The following CHIT1 variants were observed in gnomAD, a reference collection of about 807,000 sequenced individuals.
CHIT1 encodes the protein chitotriosidase-1.
CHIT1 carries 47 observed loss-of-function variants against 52.0 expected under a neutral mutation model. That is an observed-to-expected ratio of 0.90 (90% confidence interval 0.71 to 1.15). The LOEUF (loss-of-function observed/expected upper bound fraction) is 1.15, where lower values mean the gene tolerates loss of function less well. Ranked by LOEUF, CHIT1 falls within the 50% of genes most tolerant of loss-of-function variation. The pLI, the probability that CHIT1 is intolerant of heterozygous loss-of-function variation, is 0.00. For synonymous variants in CHIT1, 242 were observed against 228.2 expected (o/e 1.06, Z -0.54); for missense variants, 569 against 583.0 (o/e 0.98, Z 0.25).
At chr1:203,223,714 C>T in intron 4 of CHIT1, 54 bp from the exon 5 acceptor site, 1 of 1,580,980 alleles carries the variant, frequency 6.3e-7, no homozygotes, top group Non-Finnish European at 8.7e-7. Context: ...CAGGAGGCCA[C>T]TCTTACTCAG....
intron 2 of CHIT1, among the ~76,000 whole-genome samples, chr1:203,228,061 C>A (rs1268143306): frequency 6.6e-6 from 1 of 152,210 alleles, no homozygotes; most frequent in Non-Finnish European, 1.5e-5. Context: ...CACATCTGAT[C>A]AGTTCAACAG....
chr1:203,217,298 A>G, intron 10 of CHIT1, 165 bp from the exon 11 acceptor site: 1 of 1,543,056 alleles, frequency 6.5e-7, no homozygotes, highest in Non-Finnish European at 8.7e-7. Flanking sequence ...GACAACAGCC[A>G]TACCTACAGC....
At chr1:203,223,062 G>T (rs1656794577) in intron 6 of CHIT1, 73 bp downstream of exon 6, 3 of 1,596,958 alleles carry the variant, frequency 1.9e-6, no homozygotes, top group Admixed American at 3.3e-5. Context: ...CTCTACCCAT[G>T]GGAAAGCTCA....
At chr1:203,225,186 C>A in intron 3 of CHIT1, 82 bp from the exon 4 acceptor site, 1 of 1,309,358 alleles carries the variant, frequency 7.6e-7, no homozygotes, top group African/African-American at 1.4e-5. Flanking sequence ...TGGGGAGGAA[C>A]AACAGGGGTG....
chr1:203,216,682 C>G lies in CHIT1; in HGVS notation c.*207G>C, dbSNP rs1281075735. On this transcript the variant is annotated 3_prime_UTR_variant, in exon 11 of 11. Transcript: ENST00000367229. ...ACATCTTTGGGAAGAGGGGCACAAA[C>G]CAAAGATTTATTTTGCAAGTGAAAG... 2 of 695,998 alleles carry G rather than the reference C, an allele frequency of 2.9e-6. No individual in the cohort carries two copies. Among genetic ancestry groups the G allele is most frequent in the East Asian group, 2.9e-5 (1 of 34,532 alleles). 43.1% of individuals were successfully genotyped at this position (695,998 alleles called of 1,614,324 possible).
At chr1:203,226,313 G>A (rs940252048) in intron 2 of CHIT1, among the ~76,000 whole-genome samples, 1 of 152,122 alleles carries the variant, frequency 6.6e-6, no homozygotes, top group East Asian at 1.9e-4. Context: ...CCCCAGTTAG[G>A]GTCTCCCCTC....
At chr1:203,229,799 C>T (rs980371539), upstream of CHIT1, 13 of 800,198 alleles carry the variant, frequency 1.6e-5, no homozygotes, top group African/African-American at 2.2e-4. Flanking sequence ...TGTCAAGCAG[C>T]ATGAATTGGG....
At chr1:203,217,921 C>T in intron 9 of CHIT1, 56 bp from the exon 10 acceptor site, 1 of 1,571,460 alleles carries the variant, frequency 6.4e-7, no homozygotes, top group South Asian at 1.2e-5. Context: ...CCGGCCACCC[C>T]AGAGCCTGGC....
At chr1:203,224,813 C>T (rs1295860371) in intron 4 of CHIT1, among the ~76,000 whole-genome samples, 1 of 152,154 alleles carries the variant, frequency 6.6e-6, no homozygotes, top group Non-Finnish European at 1.5e-5. Flanking sequence ...GTGTTTAGAC[C>T]TATGCTTCTG....
In CHIT1 at chr1:203,219,302, G is replaced by A; in HGVS notation, c.943C>T (p.Gln315Ter). Residue 315 changes from glutamine (Q) to a stop codon, truncating the protein, a stop_gained, in exon 9 of 11, where the codon CAG becomes TAG. Coordinates refer to ENST00000367229, the MANE Select transcript of CHIT1 (RefSeq NM_003465.3). LOFTEE classifies it high-confidence loss of function. ...GGCACCTTCTGATCCTGGATTCTCT[G>A]TTTGGTGGCCCCCTTCCAGGAGCAG... Reference protein sequence around the residue: ...EVCSWKGATKQRIQDQKVPYI... With the variant: ...EVCSWKGATK 1 of 1,611,778 alleles carries A rather than the reference G, an allele frequency of 6.2e-7. No individual in the cohort carries two copies. Among genetic ancestry groups the A allele is most frequent in the Non-Finnish European group, 8.5e-7 (1 of 1,177,820 alleles).
intron 3 of CHIT1, 40 bp downstream of exon 3, chr1:203,225,629 C>T (rs764449334): frequency 2.0e-5 from 32 of 1,594,764 alleles, no homozygotes; most frequent in Admixed American, 8.3e-5. Flanking sequence ...TCTGTCACCC[C>T]ACCACATCCC....
intron 2 of CHIT1, 113 bp from the exon 3 acceptor site, chr1:203,225,983 G>T: frequency 8.9e-7 from 1 of 1,118,710 alleles, no homozygotes; most frequent in Non-Finnish European, 1.3e-6. Flanking sequence ...TACACCTGGA[G>T]TCAGTGGAGG....
rs61823013 is a variant in CHIT1 at position 203,225,520 on chromosome 1, G to C, written c.257+149C>G. On this transcript the variant is annotated intron_variant, in intron 3 of 10. Transcript: ENST00000367229. ...AACCCTACCTCTTTCATTAAGCACA[G>C]GAGAGCCCAGAGAGGTGATACAACT... 902 of 799,288 alleles carry C rather than the reference G, an allele frequency of 1.1e-3. 6 individuals are homozygous for C. Among genetic ancestry groups the C allele is most frequent in the Admixed American group, 2.6e-3 (129 of 50,232 alleles). 49.5% of individuals were successfully genotyped at this position (799,288 alleles called of 1,614,324 possible).
At chr1:203,228,407 T>G in intron 2 of CHIT1, 126 bp downstream of exon 2, 1 of 1,053,168 alleles carries the variant, frequency 9.5e-7, no homozygotes, top group Non-Finnish European at 1.4e-6. Context: ...TGCAGGGGTC[T>G]GAGCTTTGGA....
Position 203,223,138 on chromosome 1 carries a change from G to C in CHIT1, c.602C>G (p.Ala201Gly), listed in dbSNP as rs1245078962. The C allele has an allele frequency of 6.2e-7, 1 of 1,614,118 alleles. No individual in the cohort carries two copies. The highest frequency in any genetic ancestry group is 1.7e-5 in the Admixed American group (1 of 60,022). Residue 201 changes from alanine (A) to glycine (G), a missense_variant, in exon 6 of 11, where the codon GCC becomes GGC. Coordinates refer to ENST00000367229, the MANE Select transcript of CHIT1 (RefSeq NM_003465.3). ...AAGCCATCTGCCTGAGACTCACTGG[G>C]CGATTTTGTCCACCTCGTATCCAGC... The part of the protein sequence containing the change: ...VDAGYEVDKI[A>G]QNLDFVNLMA...
rs372212732 is a variant in CHIT1 at position 203,221,980 on chromosome 1, C to A, written c.729+222G>T. ...GTTTGTCATCAAACTGATTTGCTGCCTCTACCATCAGCCAAGATGCTCCAC... is the reference window on the plus strand; with the variant it reads ...GTTTGTCATCAAACTGATTTGCTGCATCTACCATCAGCCAAGATGCTCCAC... On this transcript the variant is annotated intron_variant, in intron 7 of 10. Coordinates refer to ENST00000367229, the MANE Select transcript of CHIT1 (RefSeq NM_003465.3). Among the ~76,000 whole-genome samples the A allele has an allele frequency of 1.1e-3, 170 of 152,338 alleles. 1 individual carries two copies. The highest frequency in any genetic ancestry group is 4.1e-3 in the African/African-American group (169 of 41,580).
In CHIT1 at chr1:203,216,470, G is replaced by C. The variant is rs1227811405; in HGVS notation, c.*419C>G. ...TTCTGAGCCAATAACCAAAGAACGT[G>C]TTGCACTTGGGGCCGCGCTCTGGCT... On this transcript the variant is annotated 3_prime_UTR_variant, in exon 11 of 11. Transcript: ENST00000367229. 3 of 456,872 alleles carry C rather than the reference G, an allele frequency of 6.6e-6. No individual in the cohort carries two copies. Among genetic ancestry groups the C allele is most frequent in the South Asian group, 4.7e-5 (3 of 64,502 alleles). The allele number at this position is 456,872 out of a possible 1,614,324, so 28.3% of individuals were successfully genotyped here.
At chr1:203,217,932 T>C in intron 9 of CHIT1, 67 bp from the exon 10 acceptor site, 3 of 1,561,052 alleles carry the variant, frequency 1.9e-6, no homozygotes, top group Non-Finnish European at 1.7e-6. Context: ...AGAGCCTGGC[T>C]ACCTCTTCTG....
chr1:203,229,317 T>C (rs895684347), intron 1 of CHIT1, among the ~76,000 whole-genome samples: 4 of 152,124 alleles, frequency 2.6e-5, no homozygotes, highest in Admixed American at 6.5e-5. Flanking sequence ...TGCAGGGGCC[T>C]CATTGACTCT....
Sources: allele counts gnomAD v4.1 joint callset (sites outside exome capture counted in the v4.1 genomes callset), GRCh38; gene constraint gnomAD v4.1.1; transcripts MANE v1.5; gene names NCBI Gene and HGNC (gene_info 2026-07-23, HGNC 2026-07-21).